Variants in CERS3 observed in about 807,000 individuals in gnomAD.
CERS3 encodes ceramide synthase 3.
In CERS3, 33 loss-of-function variants were observed where a neutral mutation model predicts 50.3. The observed-to-expected ratio is 0.66, with a 90% CI of 0.50 to 0.88. The LOEUF (loss-of-function observed/expected upper bound fraction) is 0.88, where lower values mean the gene tolerates loss of function less well. CERS3 is among the 40% of genes least tolerant of loss of function. The probability of loss-of-function intolerance (pLI) is 0.00; values close to 1 mark genes in which losing one functional copy is unlikely to be tolerated. For synonymous variants in CERS3, 176 were observed against 155.2 expected (o/e 1.13, Z -0.99); for missense variants, 470 against 460.3 (o/e 1.02, Z -0.19).
chr15:100,430,878 A>G lies in CERS3; in HGVS notation c.999+25015T>C, dbSNP rs2033096499. On this transcript the variant is annotated intron_variant, in intron 11 of 11. Transcript: ENST00000679737. ...AGGCAGTTGCATTAAATTTAAATTG[A>G]GTTCTGTGAACTCTGGCTACGCGTG... 2.6e-5 allele frequency among the ~76,000 whole-genome samples: 4 copies of G among 152,262 alleles called. No individual in the cohort carries two copies. In the East Asian group the frequency reaches 7.7e-4, roughly 29 times the overall value.
rs2030562341 is a variant in CERS3, at chr15:100,401,854, C to T, written c.*859G>A. On this transcript the variant is annotated 3_prime_UTR_variant, in exon 12 of 12. Transcript: ENST00000679737. ...AGCAAAGGACAGGAAGGAACAGGGC[C>T]TAAGCTTCCTTCCTTGAACCATGGG... 6.6e-6 allele frequency: 1 copy of T among 152,288 alleles called. No individual in the cohort carries two copies. Among genetic ancestry groups the T allele is most frequent in the South Asian group, 2.1e-4 (1 of 4,814 alleles). 9.4% of individuals were successfully genotyped at this position (152,288 alleles called of 1,614,324 possible).
At chr15:100,410,548 G>A (rs2031402347) in intron 11 of CERS3, among the ~76,000 whole-genome samples, 2 of 152,224 alleles carry the variant, frequency 1.3e-5, no homozygotes, top group Non-Finnish European at 2.9e-5. Flanking sequence ...CAGAGGCATA[G>A]AGACGAACTG....
intron 7 of CERS3, 47 bp from the exon 8 acceptor site, chr15:100,476,225 C>T: frequency 7.6e-7 from 1 of 1,320,504 alleles, no homozygotes; most frequent in Non-Finnish European, 1.0e-6. Context: ...ATCATAGAAG[C>T]AACTCATTTT....
rs770150152 is a variant in CERS3, at chr15:100,479,463, C to T, written c.481G>A (p.Asp161Asn). The T allele has an allele frequency of 5.0e-6, 8 of 1,597,172 alleles. No individual in the cohort carries two copies. The highest frequency in any genetic ancestry group is 6.0e-6 in the Non-Finnish European group (7 of 1,173,236). The change falls in exon 7 of 12, where the codon GAC becomes AAC. Residue 161 changes from aspartate (D) to asparagine (N), a missense_variant. Physicochemically the swap from Asp to Asn is conservative, Grantham distance 23. Coordinates refer to ENST00000679737, the MANE Select transcript of CERS3 (RefSeq NM_001378789.1). The part of the protein sequence containing the change: ...AFLYDKPWLY[D>N]LWEVWNGYPK... ...TAGCCATTCCAAACCTCCCATAAGT[C>T]ATATAGCCAAGGTTTCTGAAAGAAG...
chr15:100,467,400 C>T (rs929519957), intron 10 of CERS3, among the ~76,000 whole-genome samples: 3 of 151,986 alleles, frequency 2.0e-5, no homozygotes, highest in African/African-American at 4.8e-5. Flanking sequence ...TGTATGTTTT[C>T]GTACAGCCCA....
At chr15:100,445,505 C>T (rs958842258) in intron 11 of CERS3, among the ~76,000 whole-genome samples, 5 of 152,030 alleles carry the variant, frequency 3.3e-5, no homozygotes, top group African/African-American at 4.8e-5. Context: ...TGTTTTTCTC[C>T]TTCTCTTATT....
intron 1 of CERS3, among the ~76,000 whole-genome samples, chr15:100,535,652 G>A (rs1315206676): frequency 6.6e-6 from 1 of 151,944 alleles, no homozygotes; most frequent in Non-Finnish European, 1.5e-5. Context: ...TGCACGGGAA[G>A]TGGGGATATC....
chr15:100,442,353 C>T (rs916148564), intron 11 of CERS3, among the ~76,000 whole-genome samples: 1 of 152,200 alleles, frequency 6.6e-6, no homozygotes, highest in Non-Finnish European at 1.5e-5. Flanking sequence ...GGCCCTTTAA[C>T]CCCACAACAG....
intron 11 of CERS3, among the ~76,000 whole-genome samples, chr15:100,434,134 G>C (rs2033276954): frequency 6.6e-6 from 1 of 152,244 alleles, no homozygotes; most frequent in South Asian, 2.1e-4. Context: ...CATGTTTCCA[G>C]GCTCAGACTG....
intron 11 of CERS3, among the ~76,000 whole-genome samples, chr15:100,412,845 T>A (rs2031593992): frequency 2.0e-5 from 3 of 152,172 alleles, no homozygotes; most frequent in Admixed American, 2.0e-4. Flanking sequence ...AATTAGCTTT[T>A]AAGAGAAAAA....
intron 8 of CERS3, 41 bp downstream of exon 8, chr15:100,476,045 T>G (rs779972413): frequency 2.1e-6 from 3 of 1,403,044 alleles, no homozygotes; most frequent in South Asian, 2.7e-5. Context: ...TGGCAATTTT[T>G]GAAGAAATTG....
chr15:100,480,091 G>A (rs1257613772), intron 5 of CERS3, 45 bp from the exon 6 acceptor site: 1 of 1,386,252 alleles, frequency 7.2e-7, no homozygotes, highest in Non-Finnish European at 1.0e-6. Context: ...AAAGGTAACT[G>A]AGATTTGAGG....
At chr15:100,502,251 GA>G (rs58654483) in intron 2 of CERS3, among the ~76,000 whole-genome samples, 9,387 of 113,732 alleles carry the variant, frequency 0.083, 354 homozygotes, top group African/African-American at 0.14. Flanking sequence ...CTCAAAAAAA[GA>G]AAAAAAAAAA....
chr15:100,495,110 T>C (rs1245070526), intron 3 of CERS3, among the ~76,000 whole-genome samples: 1 of 152,210 alleles, frequency 6.6e-6, no homozygotes, highest in Non-Finnish European at 1.5e-5. Flanking sequence ...TTGTGAGTAG[T>C]GCCTTCCAGA....
intron 11 of CERS3, among the ~76,000 whole-genome samples, chr15:100,422,943 G>T (rs1234754262): frequency 3.8e-5 from 5 of 133,022 alleles, no homozygotes; most frequent in African/African-American, 5.5e-5. Flanking sequence ...TGTGGGGTGG[G>T]GGGGAGGGGG....
chr15:100,453,766 A>G (rs1028751824), intron 11 of CERS3, among the ~76,000 whole-genome samples: 3 of 152,208 alleles, frequency 2.0e-5, no homozygotes, highest in African/African-American at 7.2e-5. Context: ...CTTCACCAAA[A>G]AAAGCCTTAG....
intron 2 of CERS3, among the ~76,000 whole-genome samples, chr15:100,507,746 C>A (rs893342553): frequency 6.6e-6 from 1 of 152,388 alleles, no homozygotes; most frequent in South Asian, 2.1e-4. Context: ...GACCTTAGAT[C>A]TGGTCATTCA....
intron 3 of CERS3, among the ~76,000 whole-genome samples, chr15:100,496,104 G>A (rs1223063090): frequency 1.3e-5 from 2 of 152,166 alleles, no homozygotes; most frequent in Non-Finnish European, 2.9e-5. Flanking sequence ...TATTTGTAGT[G>A]CATTCCTCTT....
At chr15:100,512,932 T>G (rs1418992094) in intron 2 of CERS3, among the ~76,000 whole-genome samples, 1 of 152,166 alleles carries the variant, frequency 6.6e-6, no homozygotes, top group Non-Finnish European at 1.5e-5. Flanking sequence ...CTCCCACTGA[T>G]TCCAAAATTT....
Sources: gnomAD v4.1 joint callset for allele counts (sites outside exome capture counted in the v4.1 genomes callset) on GRCh38, gnomAD v4.1.1 for gene constraint, MANE v1.5 for transcripts, NCBI Gene and HGNC (gene_info 2026-07-23, HGNC 2026-07-21) for gene names.